Variants in RELL2 observed in about 807,000 individuals in gnomAD.
RELL2 encodes RELT-like protein 2.
In RELL2, 18 loss-of-function variants were observed where a neutral mutation model predicts 27.5. The observed-to-expected ratio is 0.65, with a 90% CI of 0.45 to 0.97. RELL2 has a LOEUF of 0.97. RELL2 is among the 50% of genes least tolerant of loss of function. The pLI is 0.00. For missense variants in RELL2, 370 were observed against 397.5 expected (o/e 0.93, Z 0.59); for synonymous variants, 156 against 147.5 (o/e 1.06, Z -0.42).
rs1251960972 is a variant in RELL2 at position 141,638,803 on chromosome 5, G to C, written c.193G>C (p.Asp65His). The C allele has an allele frequency of 6.2e-7, 1 of 1,614,078 alleles. No homozygotes were observed. The highest frequency in any genetic ancestry group is 8.5e-7 in the Non-Finnish European group (1 of 1,179,908). ...DDAQLQPPED[D>H]DMNEDTVERI... ...TCTCTTTCATCCTTCAGCTGAGGAC[G>C]ATGACATGAATGAGGACACAGTAGA... is the stretch of plus-strand genomic sequence containing the variant. Residue 65 changes from aspartate (D) to histidine (H), a missense_variant, in exon 2 of 7, where the codon GAT becomes CAT. Asp to His is a moderately conservative substitution (Grantham distance 81, BLOSUM62 -1). Transcript: ENST00000297164.
At chr5:141,638,656 C>T in intron 1 of RELL2, 139 bp from the exon 2 acceptor site, 2 of 803,754 alleles carry the variant, frequency 2.5e-6, no homozygotes, top group South Asian at 3.1e-5. Context: ...CTTTTCTGGT[C>T]CCTGAAATGC....
chr5:141,638,667 T>C, intron 1 of RELL2, 128 bp from the exon 2 acceptor site: 2 of 864,016 alleles, frequency 2.3e-6, no homozygotes, highest in African/African-American at 1.6e-5. Flanking sequence ...CCTGAAATGC[T>C]GAGGTCCAGC....
rs971783927 is a variant in RELL2 at position 141,639,774 on chromosome 5, A to G, written c.503+125A>G. On this transcript the variant is annotated intron_variant, in intron 4 of 6. Transcript: ENST00000297164. The surrounding 1 kb of genome is among the most constrained non-coding windows in gnomAD (Gnocchi z 4.4). ...GGAGCTCCGGCAGAAGTCAGGCTAC[A>G]CAATGTGCCCCACAATCTGAGAAGG... 7.8e-7 allele frequency: 1 copy of G among 1,285,052 alleles called. No individual in the cohort carries two copies. The highest frequency in any genetic ancestry group is 1.1e-6 in the Non-Finnish European group (1 of 912,192). 79.6% of individuals were successfully genotyped at this position (1,285,052 alleles called of 1,614,324 possible). A position where few individuals can be genotyped will look rare whatever the true frequency, so the allele number is the denominator to read the frequency against.
At chr5:141,638,452 C>G in intron 1 of RELL2, 43 bp downstream of exon 1, 1 of 1,542,812 alleles carries the variant, frequency 6.5e-7, no homozygotes, top group Non-Finnish European at 8.8e-7. Flanking sequence ...ACCTTTCACC[C>G]TTCTCCCCAC....
chr5:141,639,132 A>G lies in RELL2; in HGVS notation c.317+111A>G. On this transcript the variant is annotated intron_variant, in intron 3 of 6. Coordinates refer to ENST00000297164, the MANE Select transcript of RELL2 (RefSeq NM_173828.5). The surrounding 1 kb of genome is among the most constrained non-coding windows in gnomAD (Gnocchi z 4.4). ...CATGTATGGGGTTGGGGGAAGGGCA[A>G]AGCTGGCTAACTTATAGGAAGAAAG... The G allele has an allele frequency of 2.2e-6, 2 of 900,056 alleles. No individual in the cohort carries two copies. Among genetic ancestry groups the G allele is most frequent in the Non-Finnish European group, 3.4e-6 (2 of 591,542 alleles). 55.8% of individuals were successfully genotyped at this position (900,056 alleles called of 1,614,324 possible).
rs200210180 is a variant in RELL2 at position 141,640,035 on chromosome 5, T to G, written c.619T>G (p.Ser207Ala). 55 of 1,613,022 alleles carry G rather than the reference T, an allele frequency of 3.4e-5. No individual in the cohort carries two copies. The East Asian group carries it at 6.9e-4, about 20-fold the overall frequency. ...GGQDPGGGQGSGGGQPKAGMP... is the reference protein window; with the variant it reads ...GGQDPGGGQGAGGGQPKAGMP... Reference sequence around the variant, plus strand: ...ACAGGACCCAGGGGGTGGTCAGGGGTCTGGGGGAGGGCAGCCCAAGGCAGG... The same window carrying G: ...ACAGGACCCAGGGGGTGGTCAGGGGGCTGGGGGAGGGCAGCCCAAGGCAGG... Residue 207 changes from serine to alanine, a missense_variant, in exon 5 of 7, where the codon TCT becomes GCT. Coordinates refer to ENST00000297164, the MANE Select transcript of RELL2 (RefSeq NM_173828.5).
At position 141,639,580 on chromosome 5, in the gene RELL2, G is replaced by C; in HGVS notation, c.434G>C (p.Arg145Pro). The C allele has an allele frequency of 6.2e-7, 1 of 1,613,960 alleles. No homozygotes were observed. Among genetic ancestry groups the C allele is most frequent in the Non-Finnish European group, 8.5e-7 (1 of 1,180,006 alleles). The change falls in exon 4 of 7, where the codon CGT (arginine) becomes CCT (proline). Residue 145 changes from arginine to proline, a missense_variant. Physicochemically the swap from Arg to Pro is moderately radical, Grantham distance 103 (BLOSUM62 -2). Transcript: ENST00000297164. The surrounding 1 kb of genome is among the most constrained non-coding windows in gnomAD (Gnocchi z 4.4). ...CSRSKRPPLV[R>P]QGRSKEGKSR... Reference sequence around the variant, plus strand: ...CGCAGCAAGAGGCCTCCACTTGTCCGTCAGGGACGCTCCAAGGAAGGAAAA... The same window carrying C: ...CGCAGCAAGAGGCCTCCACTTGTCCCTCAGGGACGCTCCAAGGAAGGAAAA...
rs1387318769 is a variant in RELL2, at chr5:141,640,833, C to T, written c.*164C>T. ...AGGCTGGGGGCCTCAGGAGAGGTCA[C>T]AGCCCCTCAGTCTCTTCTCCTTCCC... On this transcript the variant is annotated 3_prime_UTR_variant, in exon 7 of 7. Coordinates refer to ENST00000297164, the MANE Select transcript of RELL2 (RefSeq NM_173828.5). 11 of 654,062 alleles carry T rather than the reference C, an allele frequency of 1.7e-5. No homozygotes were observed. The highest frequency in any genetic ancestry group is 2.8e-5 in the Non-Finnish European group (11 of 387,976). 40.5% of individuals were successfully genotyped at this position (654,062 alleles called of 1,614,324 possible).
At chr5:141,640,604 G>A in intron 6 of RELL2, 67 bp from the exon 7 acceptor site, 2 of 1,542,470 alleles carry the variant, frequency 1.3e-6, no homozygotes, top group South Asian at 2.4e-5. Flanking sequence ...AGGTCCTGGA[G>A]CCCCAGGGGA....
chr5:141,638,690 A>G, intron 1 of RELL2, 105 bp from the exon 2 acceptor site: 1 of 988,636 alleles, frequency 1.0e-6, no homozygotes, highest in South Asian at 1.3e-5. Context: ...GATAGCAAGT[A>G]GGTAAAAGGG....
Position 141,639,045 on chromosome 5 carries a change from A to G in RELL2, c.317+24A>G. 1 of 1,603,764 alleles carries G rather than the reference A, an allele frequency of 6.2e-7. No individual in the cohort carries two copies. The highest frequency in any genetic ancestry group is 8.5e-7 in the Non-Finnish European group (1 of 1,172,084). ...AGGTGAGCTGGAAACAAGGGCCAGC[A>G]TGACTTAGCTTGCCTTGGAGAGTAT... On this transcript the variant is annotated intron_variant, in intron 3 of 6. Coordinates refer to ENST00000297164, the MANE Select transcript of RELL2 (RefSeq NM_173828.5). This position sits in a 1 kb window ranked among gnomAD's most constrained non-coding sequence, Gnocchi z 4.4.
Position 141,638,062 on chromosome 5 carries a change from G to C in RELL2, c.-164G>C. On this transcript the variant is annotated 5_prime_UTR_variant, in exon 1 of 7. Transcript: ENST00000297164. ...AAGGCGAAACAGCACTCCTGGCCCG[G>C]ACAGCTCCCTGGTTGGGTAGGGGGT... 1.6e-6 allele frequency: 1 copy of C among 613,814 alleles called. No individual in the cohort carries two copies. The highest frequency in any genetic ancestry group is 1.9e-5 in the South Asian group (1 of 52,914). The allele number at this position is 613,814 out of a possible 1,614,324, so 38.0% of individuals were successfully genotyped here.
Position 141,640,697 on chromosome 5 carries a change from C to T in RELL2, c.*28C>T, listed in dbSNP as rs1236844571. ...CTCCTTCATTGTGCTGATGGACTAC[C>T]AGCTGGCAGGGCCAGGGGGTGGGTG... On this transcript the variant is annotated 3_prime_UTR_variant, in exon 7 of 7. Coordinates refer to ENST00000297164, the MANE Select transcript of RELL2 (RefSeq NM_173828.5). 2 of 1,534,318 alleles carry T rather than the reference C, an allele frequency of 1.3e-6. No homozygotes were observed. Among genetic ancestry groups the T allele is most frequent in the Non-Finnish European group, 1.7e-6 (2 of 1,145,938 alleles).
rs1350963856 is a variant in RELL2 at position 141,637,810 on chromosome 5, GGAA to G, written c.-414_-412del. 5 of 174,892 alleles carry G rather than the reference GGAA, an allele frequency of 2.9e-5. No homozygotes were observed. Among genetic ancestry groups the G allele is most frequent in the Admixed American group, 2.8e-4 (5 of 18,068 alleles). The allele number at this position is 174,892 out of a possible 1,614,324, so 10.8% of individuals were successfully genotyped here. A position where few individuals can be genotyped will look rare whatever the true frequency, so the allele number is the denominator to read the frequency against. ...GGAGAGGGGTGCGGGAGTACTGAGA[GGAA>G]GGGGCTGCAGAGGCCTGGCTCAGGC... On this transcript the variant is annotated 5_prime_UTR_variant, in exon 1 of 7. Transcript: ENST00000297164.
At position 141,640,103 on chromosome 5, in the gene RELL2, C is replaced by A. The variant is rs749774266; in HGVS notation, c.687C>A (p.Pro229=). The A allele has an allele frequency of 1.2e-6, 2 of 1,613,682 alleles. No homozygotes were observed. The highest frequency in any genetic ancestry group is 4.5e-5 in the East Asian group (2 of 44,864). ...GGCTGCCCCCTGAGAGGCCACAGCC[C>A]CAGGTCCTAGCCAGCCCCCCAGTAC... ...MERLPPERPQ[P]QVLASPPVQN... Residue 229 remains proline (P), a synonymous_variant, in exon 5 of 7, where the codon CCC becomes CCA. Coordinates refer to ENST00000297164, the MANE Select transcript of RELL2 (RefSeq NM_173828.5).
rs762229943 is a variant in RELL2, at chr5:141,639,653, G to A, written c.503+4G>A. On this transcript the variant is annotated splice_donor_region_variant and intron_variant, in intron 4 of 6. Transcript: ENST00000297164. The surrounding 1 kb of genome is among the most constrained non-coding windows in gnomAD (Gnocchi z 4.4). The stretch of plus-strand genomic sequence containing the variant: ...CCACTGTGTTCTCTGTGGGCAGGTG[G>A]GGCAGGTGCTCCAGGGAAAGGGGGG... 2.5e-6 allele frequency: 4 copies of A among 1,594,288 alleles called. No homozygotes were observed. The highest frequency in any genetic ancestry group is 1.1e-5 in the South Asian group (1 of 90,022).
chr5:141,639,089 C>T lies in RELL2; in HGVS notation c.317+68C>T. The T allele has an allele frequency of 7.6e-7, 1 of 1,322,784 alleles. No homozygotes were observed. Among genetic ancestry groups the T allele is most frequent in the Non-Finnish European group, 1.1e-6 (1 of 941,240 alleles). 81.9% of individuals were successfully genotyped at this position (1,322,784 alleles called of 1,614,324 possible). A position where few individuals can be genotyped will look rare whatever the true frequency, so the allele number is the denominator to read the frequency against. Reference sequence around the variant, plus strand: ...AGAGTATCCTCTCCTCCAGCACAATCCTCTCCCAGCCTCCTTGCATGTATG... The same window carrying T: ...AGAGTATCCTCTCCTCCAGCACAATTCTCTCCCAGCCTCCTTGCATGTATG... On this transcript the variant is annotated intron_variant, in intron 3 of 6. Coordinates refer to ENST00000297164, the MANE Select transcript of RELL2 (RefSeq NM_173828.5). This position sits in a 1 kb window ranked among gnomAD's most constrained non-coding sequence, Gnocchi z 4.4.
rs1459576947 is a variant in RELL2, at chr5:141,637,101, C to T, written c.-1125C>T. The T allele has an allele frequency of 3.3e-6, 1 of 299,290 alleles. No homozygotes were observed. The highest frequency in any genetic ancestry group is 2.2e-5 in the African/African-American group (1 of 45,478). The allele number at this position is 299,290 out of a possible 1,614,324, so 18.5% of individuals were successfully genotyped here. On this transcript the variant is annotated 5_prime_UTR_variant, in exon 1 of 7. Coordinates refer to ENST00000297164, the MANE Select transcript of RELL2 (RefSeq NM_173828.5). ...TCCTCGGGAAGCCGAGCCATCCCAT[C>T]CAGCCGCTTGCCCCAAACCGGGCGC... is the stretch of plus-strand genomic sequence containing the variant.
Position 141,639,584 on chromosome 5 carries a change from G to C in RELL2, c.438G>C (p.Gln146His). 6.2e-7 allele frequency: 1 copy of C among 1,614,006 alleles called. No individual in the cohort carries two copies. Among genetic ancestry groups the C allele is most frequent in the South Asian group, 1.1e-5 (1 of 91,068 alleles). Residue 146 changes from glutamine (Q) to histidine (H), a missense_variant, in exon 4 of 7, where the codon CAG becomes CAC. Physicochemically the swap from Gln to His is conservative, Grantham distance 24. Coordinates refer to ENST00000297164, the MANE Select transcript of RELL2 (RefSeq NM_173828.5). This position sits in a 1 kb window ranked among gnomAD's most constrained non-coding sequence, Gnocchi z 4.4. The part of the protein sequence containing the change: ...SRSKRPPLVR[Q>H]GRSKEGKSRP... Reference sequence around the variant, plus strand: ...GCAAGAGGCCTCCACTTGTCCGTCAGGGACGCTCCAAGGAAGGAAAAAGCC... The same window carrying C: ...GCAAGAGGCCTCCACTTGTCCGTCACGGACGCTCCAAGGAAGGAAAAAGCC...
Sources: gnomAD v4.1 joint callset for allele counts on GRCh38, gnomAD v4.1.1 for gene constraint, Gnocchi (gnomAD v3.1) non-coding constraint, MANE v1.5 for transcripts, NCBI Gene and HGNC (gene_info 2026-07-23, HGNC 2026-07-21) for gene names.